CFAP74: variants seen among roughly 807,000 people sequenced by gnomAD.
The protein encoded by CFAP74 is cilia and flagella associated protein 74.
CFAP74 carries 124 observed loss-of-function variants against 188.9 expected under a neutral mutation model. The observed-to-expected ratio is 0.66, with a 90% CI of 0.57 to 0.76. The LOEUF (loss-of-function observed/expected upper bound fraction) is 0.76, where lower values mean the gene tolerates loss of function less well. Ranked by LOEUF, CFAP74 falls within the 30% of genes least tolerant of loss-of-function variation. The probability of loss-of-function intolerance (pLI) is 0.00; values close to 1 mark genes in which losing one functional copy is unlikely to be tolerated. For synonymous variants in CFAP74, 956 were observed against 916.7 expected, an observed-to-expected ratio of 1.04 and a Z score of -0.77; for missense variants, 2,198 against 2,165.2, an observed-to-expected ratio of 1.02 and a Z score of -0.30.
At position 1,939,672 on chromosome 1, in the gene CFAP74, A is replaced by G; in HGVS notation, c.2799T>C (p.Tyr933=). The stretch of plus-strand genomic sequence containing the variant: ...GGCTGATTTCCGTCCTGATGGCCTC[A>G]TAGATGGTGCAGTAGCCAAAATCCA... ...SEVDFGYCTI[Y]EAIRTEISLH... Residue 933 remains tyrosine (Y), a synonymous_variant, in exon 24 of 39, where the codon TAT becomes TAC. Coordinates refer to ENST00000682832, the MANE Select transcript of CFAP74 (RefSeq NM_001304360.2). The G allele has an allele frequency of 6.5e-7, 1 of 1,536,066 alleles. No individual in the cohort carries two copies. The highest frequency in any genetic ancestry group is 8.7e-7 in the Non-Finnish European group (1 of 1,146,868).
At chr1:1,941,644 G>A (rs1294719113) in intron 22 of CFAP74, among the ~76,000 whole-genome samples, 2 of 152,112 alleles carry the variant, frequency 1.3e-5, no homozygotes, top group Non-Finnish European at 2.9e-5. Flanking sequence ...GGACCGCAGG[G>A]TACCCGTAGC....
intron 25 of CFAP74, among the ~76,000 whole-genome samples, chr1:1,930,590 C>A (rs1031454273): frequency 1.3e-5 from 2 of 152,174 alleles, no homozygotes; most frequent in Non-Finnish European, 2.9e-5. Flanking sequence ...GAGTCTCGCT[C>A]TGTTGCCCTA....
intron 15 of CFAP74, 28 bp downstream of exon 15, chr1:1,959,936 C>T (rs375432677): frequency 4.7e-5 from 73 of 1,559,470 alleles, no homozygotes; most frequent in Middle Eastern, 1.7e-4. Context: ...ACCTCCCCTT[C>T]GAGAGAGAAC....
chr1:1,960,328 G>T (rs1009585218), intron 14 of CFAP74, among the ~76,000 whole-genome samples: 2 of 152,268 alleles, frequency 1.3e-5, no homozygotes, highest in Non-Finnish European at 2.9e-5. Flanking sequence ...GACCCCATGG[G>T]TCGGAGAGGG....
At position 1,986,081 on chromosome 1, in the gene CFAP74, G is replaced by A. The variant is rs184156800; in HGVS notation, c.396-591C>T. On this transcript the variant is annotated intron_variant, in intron 5 of 38. Coordinates refer to ENST00000682832, the MANE Select transcript of CFAP74 (RefSeq NM_001304360.2). ...CCTGGGTGCCACAGTCCAGGAATGA[G>A]GCAGGTCAAAACCCTGCAGAGGGCT... Among the ~76,000 whole-genome samples, 490 of 152,346 alleles carry A rather than the reference G, an allele frequency of 3.2e-3. 1 individual carries two copies. Among genetic ancestry groups the A allele is most frequent in the Non-Finnish European group, 5.0e-3 (343 of 68,034 alleles).
intron 1 of CFAP74, among the ~76,000 whole-genome samples, chr1:1,995,603 C>T (rs892549342): frequency 1.3e-5 from 2 of 151,760 alleles, no homozygotes. Flanking sequence ...AGTATATTAT[C>T]GAGTTGCATT....
intron 10 of CFAP74, among the ~76,000 whole-genome samples, chr1:1,969,233 C>T (rs1655726621): frequency 8.9e-6 from 1 of 112,462 alleles, no homozygotes; most frequent in African/African-American, 3.3e-5. Flanking sequence ...CTGCCCTGCC[C>T]AACCCAGCCC....
intron 5 of CFAP74, among the ~76,000 whole-genome samples, chr1:1,986,544 A>G (rs1657250248): frequency 6.6e-6 from 1 of 152,198 alleles, no homozygotes; most frequent in South Asian, 2.1e-4. Flanking sequence ...GGAGCCATCC[A>G]GGCTCCCGGA....
chr1:1,939,059 G>A, intron 24 of CFAP74, 71 bp from the exon 25 acceptor site: 3 of 1,434,752 alleles, frequency 2.1e-6, no homozygotes, highest in Non-Finnish European at 2.8e-6. Flanking sequence ...GCAGGGCCGT[G>A]AGTGTGAGAG....
At chr1:1,951,721 C>T (rs1654213715) in intron 18 of CFAP74, among the ~76,000 whole-genome samples, 1 of 152,178 alleles carries the variant, frequency 6.6e-6, no homozygotes, top group Admixed American at 6.5e-5. Flanking sequence ...ATAGTTAGTT[C>T]TGGGATATTC....
At chr1:1,955,910 C>A (rs776528035) in intron 17 of CFAP74, 60 bp from the exon 18 acceptor site, 1 of 1,547,760 alleles carries the variant, frequency 6.5e-7, no homozygotes, top group African/African-American at 1.4e-5. Flanking sequence ...TCCCAGTCAG[C>A]TGCCGGAACT....
chr1:1,968,551 A>T lies in CFAP74; in HGVS notation c.1245+84T>A. ...GCCATGGTGCTGAGGTCCTCAGAGGATGTCTCACCACACCTGAGCCCTGAG... is the reference window on the plus strand; with the variant it reads ...GCCATGGTGCTGAGGTCCTCAGAGGTTGTCTCACCACACCTGAGCCCTGAG... On this transcript the variant is annotated intron_variant, in intron 11 of 38. Coordinates refer to ENST00000682832, the MANE Select transcript of CFAP74 (RefSeq NM_001304360.2). This position sits in a 1 kb window ranked among gnomAD's most constrained non-coding sequence, Gnocchi z 4.3. 1 of 1,192,276 alleles carries T rather than the reference A, an allele frequency of 8.4e-7. No homozygotes were observed. Among genetic ancestry groups the T allele is most frequent in the South Asian group, 1.4e-5 (1 of 72,582 alleles). 73.9% of individuals were successfully genotyped at this position (1,192,276 alleles called of 1,614,324 possible). A position where few individuals can be genotyped will look rare whatever the true frequency, so the allele number is the denominator to read the frequency against.
In CFAP74 at chr1:1,923,092, G is replaced by A; in HGVS notation, c.4576C>T (p.Leu1526=). ...AACTGGATGTAGTCCAGGGTCACCA[G>A]GATGGGCCTCAGCTCCTCAGCTTCT... ...SPEAEELRPI[L]VTLDYIQFDT... Residue 1526 remains leucine, a synonymous_variant, in exon 37 of 39, where the codon CTG becomes TTG. Transcript: ENST00000682832. This position sits in a 1 kb window ranked among gnomAD's most constrained non-coding sequence, Gnocchi z 6.3. 2 of 1,610,540 alleles carry A rather than the reference G, an allele frequency of 1.2e-6. No individual in the cohort carries two copies. The highest frequency in any genetic ancestry group is 1.7e-6 in the Non-Finnish European group (2 of 1,179,298).
intron 1 of CFAP74, among the ~76,000 whole-genome samples, chr1:1,991,864 C>T (rs571293230): frequency 6.6e-5 from 10 of 151,698 alleles, no homozygotes; most frequent in South Asian, 2.1e-4. Context: ...ACAGTGAAAC[C>T]CCATCTCTAC....
At chr1:1,947,534 A>G (rs1653854516) in intron 18 of CFAP74, among the ~76,000 whole-genome samples, 2 of 152,238 alleles carry the variant, frequency 1.3e-5, no homozygotes, top group African/African-American at 4.8e-5. Context: ...TGGGGGCACC[A>G]GCCGGCAGCT....
rs761689024 is a variant in CFAP74, at chr1:1,938,936, G to A, written c.2930C>T (p.Thr977Met). The part of the protein sequence containing the change: ...DGFGTILPLE[T>M]LQFCVIFQPT... ...CTGGAAGATCACACAGAACTGCAGC[G>A]TTTCCAGGGGCAGGATCGTCCCAAA... Residue 977 changes from threonine to methionine, a missense_variant, in exon 25 of 39, where the codon ACG becomes ATG. Physicochemically the swap from Thr to Met is moderately conservative, Grantham distance 81 (BLOSUM62 -1). Coordinates refer to ENST00000682832, the MANE Select transcript of CFAP74 (RefSeq NM_001304360.2). 26 of 1,536,052 alleles carry A rather than the reference G, an allele frequency of 1.7e-5. No individual in the cohort carries two copies. The African/African-American group carries it at 1.9e-4, about 11-fold the overall frequency.
chr1:1,965,067 G>A lies in CFAP74; in HGVS notation c.1402-6C>T. On this transcript the variant is annotated splice_region_variant and splice_polypyrimidine_tract_variant and intron_variant, in intron 12 of 38. Transcript: ENST00000682832. ...TCCACGTCCTCCTTGGGCACCTGGG[G>A]GTCACAGAGACAGAGGCTGGGGCTG... 1 of 1,610,856 alleles carries A rather than the reference G, an allele frequency of 6.2e-7. No individual in the cohort carries two copies. The highest frequency in any genetic ancestry group is 8.5e-7 in the Non-Finnish European group (1 of 1,178,286).
intron 25 of CFAP74, among the ~76,000 whole-genome samples, chr1:1,931,855 G>C (rs368110861): frequency 2.7e-5 from 4 of 150,742 alleles, no homozygotes; most frequent in African/African-American, 9.8e-5. Flanking sequence ...CTGAGGTCAG[G>C]AGTTCAAGAC....
At position 1,923,860 on chromosome 1, in the gene CFAP74, T is replaced by G. The variant is rs1374036511; in HGVS notation, c.4304A>C (p.Lys1435Thr). The change falls in exon 35 of 39, where the codon AAG becomes ACG. Residue 1435 changes from lysine to threonine, a missense_variant. By Grantham distance (78) the Lys-to-Thr change is moderately conservative (BLOSUM62 -1). Transcript: ENST00000682832. The surrounding 1 kb of genome is among the most constrained non-coding windows in gnomAD (Gnocchi z 6.3). ...GAAGGTGACAGTGAAGTCTTGTGTC[T>G]TCCCGGGGTCCATGACGCCCTTGAC... ...APVKGVMDPG[K>T]TQDFTVTFSP... 3 of 1,613,266 alleles carry G rather than the reference T, an allele frequency of 1.9e-6. No homozygotes were observed. In the South Asian group the frequency reaches 3.3e-5, roughly 18 times the overall value.
Sources: allele counts gnomAD v4.1 joint callset (sites outside exome capture counted in the v4.1 genomes callset), GRCh38; gene constraint gnomAD v4.1.1; non-coding constraint Gnocchi (gnomAD v3.1); transcripts MANE v1.5; gene names NCBI Gene and HGNC (gene_info 2026-07-23, HGNC 2026-07-21).